KCNQ5: variants seen among roughly 807,000 people sequenced by gnomAD.
KCNQ5 encodes the protein potassium voltage-gated channel subfamily KQT member 5.
A neutral mutation model predicts 98.2 loss-of-function variants in KCNQ5; 30 were observed. The ratio of observed to expected loss-of-function variants is 0.31; its 90% confidence interval spans 0.23 to 0.41. The LOEUF (loss-of-function observed/expected upper bound fraction) is 0.41, where lower values mean the gene tolerates loss of function less well. Among genes scored for constraint, KCNQ5 ranks in the 10% least tolerant of loss-of-function variants. The probability of loss-of-function intolerance (pLI) is 1.00; values close to 1 mark genes in which losing one functional copy is unlikely to be tolerated. For synonymous variants in KCNQ5, 458 were observed against 449.4 expected (o/e 1.02, Z -0.24); for missense variants, 835 against 1,182.5 (o/e 0.71, Z 4.31).
chr6:72,864,306 A>G (rs949828114), intron 1 of KCNQ5, among the ~76,000 whole-genome samples: 6 of 152,100 alleles, frequency 3.9e-5, no homozygotes, highest in South Asian at 2.1e-4. Context: ...ATAATGGGCC[A>G]TTAGTACTAC....
intron 1 of KCNQ5, among the ~76,000 whole-genome samples, chr6:72,775,206 A>C (rs1773102096): frequency 6.6e-6 from 1 of 152,218 alleles, no homozygotes; most frequent in Admixed American, 6.5e-5. Context: ...CACAGCAATA[A>C]GAATAATCTA....
intron 10 of KCNQ5, among the ~76,000 whole-genome samples, chr6:73,147,721 T>G (rs1224013838): frequency 1.3e-5 from 2 of 152,220 alleles, no homozygotes; most frequent in Non-Finnish European, 2.9e-5. Context: ...ATAAATGGTT[T>G]ACTATTTAAT....
intron 2 of KCNQ5, among the ~76,000 whole-genome samples, chr6:73,015,943 A>G (rs568297185): frequency 1.4e-4 from 22 of 152,012 alleles, no homozygotes; most frequent in African/African-American, 4.6e-4. Context: ...TATCTTCTCC[A>G]TTATTCATTT....
At chr6:72,869,094 A>G (rs1252752278) in intron 1 of KCNQ5, among the ~76,000 whole-genome samples, 4 of 152,198 alleles carry the variant, frequency 2.6e-5, no homozygotes, top group South Asian at 2.1e-4. Context: ...CATCACCTGT[A>G]CCCCACAAAT....
At chr6:72,629,424 A>T (rs916222372) in intron 1 of KCNQ5, among the ~76,000 whole-genome samples, 1 of 152,226 alleles carries the variant, frequency 6.6e-6, no homozygotes, top group African/African-American at 2.4e-5. Flanking sequence ...AATCTAAACA[A>T]TGCTATTGTA....
rs181677396 is a variant in KCNQ5, at chr6:72,983,031, G to A, written c.399-20877G>A. On this transcript the variant is annotated intron_variant, in intron 1 of 13. Transcript: ENST00000370398. ...TCTTCTGGCTTGTTGAGTTTCTGCC[G>A]AGAGATCCGCTGTTAGTCTGATGGG... 3.5e-3 allele frequency among the ~76,000 whole-genome samples: 528 copies of A among 152,270 alleles called. 5 individuals are homozygous for A. Among genetic ancestry groups the A allele is most frequent in the East Asian group, 0.026 (133 of 5,192 alleles).
intron 8 of KCNQ5, among the ~76,000 whole-genome samples, chr6:73,123,698 A>C (rs1335256878): frequency 6.6e-6 from 1 of 152,190 alleles, no homozygotes; most frequent in African/African-American, 2.4e-5. Flanking sequence ...ACACAGGTAA[A>C]TATGCTATTT....
intron 2 of KCNQ5, among the ~76,000 whole-genome samples, chr6:73,040,001 T>G (rs1481240335): frequency 6.6e-6 from 1 of 150,778 alleles, no homozygotes; most frequent in Non-Finnish European, 1.5e-5. Flanking sequence ...TTTGAGACTG[T>G]CTTGTCATTT....
At chr6:72,891,970 C>T (rs1181071953) in intron 1 of KCNQ5, among the ~76,000 whole-genome samples, 1 of 152,000 alleles carries the variant, frequency 6.6e-6, no homozygotes, top group Non-Finnish European at 1.5e-5. Flanking sequence ...ACTTTATGGT[C>T]AATTTAAAGG....
chr6:72,880,343 G>A (rs578074061), intron 1 of KCNQ5, among the ~76,000 whole-genome samples: 38 of 152,154 alleles, frequency 2.5e-4, no homozygotes, highest in Non-Finnish European at 4.7e-4. Flanking sequence ...ATCTAGCTAT[G>A]TCCTCACATG....
rs1258227492 is a variant in KCNQ5, at chr6:72,700,283, A to ATATATC, written c.398+77706_398+77711dup. 1.4e-4 allele frequency among the ~76,000 whole-genome samples: 20 copies of ATATATC among 143,630 alleles called. 1 individual carries two copies. The highest frequency in any genetic ancestry group is 1.4e-4 in the Admixed American group (2 of 14,208). The allele number at this position is 143,630 out of a possible 152,430, so 94.2% of individuals were successfully genotyped here. On this transcript the variant is annotated intron_variant, in intron 1 of 13. Coordinates refer to ENST00000370398, the MANE Select transcript of KCNQ5 (RefSeq NM_019842.4). ...ATTCAAAGAGATAAATGGCCAATCT[A>ATATATC]TATATCTATATCTATCTATCTATCT...
chr6:72,640,703 T>G (rs531555918), intron 1 of KCNQ5: 1 of 152,322 alleles, frequency 6.6e-6, no homozygotes, highest in East Asian at 1.9e-4. Flanking sequence ...GAAGGACCTT[T>G]GGTGACCAAC....
At chr6:72,850,755 A>G (rs1328165079) in intron 1 of KCNQ5, among the ~76,000 whole-genome samples, 1 of 152,098 alleles carries the variant, frequency 6.6e-6, no homozygotes, top group Non-Finnish European at 1.5e-5. Flanking sequence ...TTATTTTGAG[A>G]TAGCTGGTGT....
At chr6:72,954,892 G>A (rs1423913860) in intron 1 of KCNQ5, among the ~76,000 whole-genome samples, 3 of 152,198 alleles carry the variant, frequency 2.0e-5, no homozygotes, top group Non-Finnish European at 4.4e-5. Context: ...GCCCTCGTGT[G>A]TATGTACAAG....
At chr6:72,976,579 T>G (rs1768168165) in intron 1 of KCNQ5, among the ~76,000 whole-genome samples, 1 of 152,218 alleles carries the variant, frequency 6.6e-6, no homozygotes, top group African/African-American at 2.4e-5. Flanking sequence ...TAGCACTTCC[T>G]GTAAGGCAGC....
intron 6 of KCNQ5, among the ~76,000 whole-genome samples, chr6:73,106,607 T>C (rs765690623): frequency 6.6e-6 from 1 of 152,174 alleles, no homozygotes; most frequent in Admixed American, 6.5e-5. Context: ...AATTTCTACT[T>C]CCTAGAAGAA....
chr6:72,715,928 T>C (rs1258832155), intron 1 of KCNQ5, among the ~76,000 whole-genome samples: 5 of 152,218 alleles, frequency 3.3e-5, no homozygotes, highest in Non-Finnish European at 7.3e-5. Context: ...TTGATACTTA[T>C]GTTATACTTT....
At chr6:72,654,102 G>A (rs967095234) in intron 1 of KCNQ5, among the ~76,000 whole-genome samples, 1 of 151,938 alleles carries the variant, frequency 6.6e-6, no homozygotes, top group African/African-American at 2.4e-5. Flanking sequence ...AAATAGAAAT[G>A]ATCATCATTT....
intron 3 of KCNQ5, chr6:73,043,126 TG>T: frequency 2.2e-6 from 1 of 447,396 alleles, no homozygotes. Context: ...TTCCCTATGG[TG>T]GGGGCAGAGT....
Sources: gnomAD v4.1 joint callset for allele counts (sites outside exome capture counted in the v4.1 genomes callset) on GRCh38, gnomAD v4.1.1 for gene constraint, MANE v1.5 for transcripts, NCBI Gene and HGNC (gene_info 2026-07-23, HGNC 2026-07-21) for gene names.